The following SIPA1L1 variants were observed in gnomAD, a reference collection of about 807,000 sequenced individuals.
SIPA1L1 encodes signal induced proliferation associated 1 like 1.
Under a neutral mutation model 162.7 loss-of-function variants are expected in SIPA1L1, and 26 were observed. The ratio of observed to expected loss-of-function variants is 0.16; its 90% CI spans 0.12 to 0.22. The LOEUF (loss-of-function observed/expected upper bound fraction) is 0.22. Ranked by LOEUF, SIPA1L1 falls within the 10% of genes least tolerant of loss-of-function variation. SIPA1L1 has a pLI of 1.00. For missense variants in SIPA1L1, 1,874 were observed against 2,241.0 expected (o/e 0.84, Z 3.31); for synonymous variants, 829 against 837.4 (o/e 0.99, Z 0.17).
At chr14:71,427,924 G>C (rs915470313) in intron 2 of SIPA1L1, among the ~76,000 whole-genome samples, 2 of 151,698 alleles carry the variant, frequency 1.3e-5, no homozygotes, top group Admixed American at 1.3e-4. Flanking sequence ...TTTTTCCTTT[G>C]AATGGGCAGT....
At chr14:71,328,903 A>G (rs2034161907) in intron 2 of SIPA1L1, among the ~76,000 whole-genome samples, 2 of 152,196 alleles carry the variant, frequency 1.3e-5, no homozygotes, top group South Asian at 4.1e-4. Flanking sequence ...TGCGAATCTG[A>G]AACTCTGTAA....
At chr14:71,326,150 C>CT (rs778932471) in intron 2 of SIPA1L1, among the ~76,000 whole-genome samples, 9 of 151,480 alleles carry the variant, frequency 5.9e-5, no homozygotes, top group Non-Finnish European at 1.2e-4. Flanking sequence ...TCCACAAAGC[C>CT]TTTTACCAAA....
chr14:71,479,335 A>AT (rs1188769033), intron 2 of SIPA1L1, among the ~76,000 whole-genome samples: 59 of 138,492 alleles, frequency 4.3e-4, no homozygotes, highest in East Asian at 1.1e-3. Context: ...GTGTGTATGT[A>AT]GGTATGTATG....
At chr14:71,401,817 C>T (rs1257831448) in intron 2 of SIPA1L1, among the ~76,000 whole-genome samples, 1 of 151,974 alleles carries the variant, frequency 6.6e-6, no homozygotes, top group African/African-American at 2.4e-5. Context: ...TCTTATCACT[C>T]ATAAATATAA....
intron 2 of SIPA1L1, among the ~76,000 whole-genome samples, chr14:71,468,539 C>G (rs1286888481): frequency 6.6e-6 from 1 of 152,118 alleles, no homozygotes; most frequent in African/African-American, 2.4e-5. Flanking sequence ...AGCCTACTCA[C>G]TCCAAGGGGA....
At chr14:71,596,930 G>T (rs1241612539) in intron 5 of SIPA1L1, among the ~76,000 whole-genome samples, 2 of 152,034 alleles carry the variant, frequency 1.3e-5, no homozygotes, top group Admixed American at 1.3e-4. Flanking sequence ...TCCTTTCAGT[G>T]AATTTTATTT....
At chr14:71,345,638 A>T (rs1459145261) in intron 2 of SIPA1L1, among the ~76,000 whole-genome samples, 5 of 144,710 alleles carry the variant, frequency 3.5e-5, no homozygotes, top group Non-Finnish European at 6.0e-5. Flanking sequence ...CAGTGGCGCG[A>T]TCTTGGCTCA....
At chr14:71,441,975 T>C (rs1443798481) in intron 2 of SIPA1L1, among the ~76,000 whole-genome samples, 1 of 151,680 alleles carries the variant, frequency 6.6e-6, no homozygotes, top group African/African-American at 2.4e-5. Flanking sequence ...AGTTCGAGAC[T>C]AGCCTGGTCA....
intron 4 of SIPA1L1, among the ~76,000 whole-genome samples, chr14:71,558,581 G>A (rs1311242381): frequency 6.6e-6 from 1 of 152,174 alleles, no homozygotes; most frequent in Non-Finnish European, 1.5e-5. Context: ...TGAAAGCCGT[G>A]GTTGCTGTTG....
At chr14:71,445,910 C>G (rs562960582) in intron 2 of SIPA1L1, among the ~76,000 whole-genome samples, 4 of 152,104 alleles carry the variant, frequency 2.6e-5, no homozygotes, top group South Asian at 2.1e-4. Context: ...GTGCAGTGGC[C>G]CAGTCATAGC....
intron 8 of SIPA1L1, among the ~76,000 whole-genome samples, chr14:71,652,647 C>CT (rs560430162): frequency 1.4e-3 from 208 of 150,490 alleles, no homozygotes; most frequent in Non-Finnish European, 2.4e-3. Flanking sequence ...TCCCCCTAAC[C>CT]TTTTTTTTTC....
chr14:71,648,268 C>T, intron 7 of SIPA1L1, among the ~76,000 whole-genome samples: 1 of 152,096 alleles, frequency 6.6e-6, no homozygotes, highest in Non-Finnish European at 1.5e-5. Context: ...CCCGCCTGGT[C>T]AACAAGAGCG....
chr14:71,587,440 A>G (rs1207056656), intron 4 of SIPA1L1, 131 bp from the exon 5 acceptor site: 1 of 395,838 alleles, frequency 2.5e-6, no homozygotes, highest in Non-Finnish European at 4.4e-6. Flanking sequence ...TTTACTAAAA[A>G]TACGGATTGT....
intron 5 of SIPA1L1, among the ~76,000 whole-genome samples, chr14:71,603,737 A>C (rs900201864): frequency 4.6e-5 from 7 of 151,726 alleles, no homozygotes; most frequent in African/African-American, 1.7e-4. Flanking sequence ...CCTGGCCAAG[A>C]TGGTGAGACC....
At chr14:71,425,815 T>C (rs1182246808) in intron 2 of SIPA1L1, among the ~76,000 whole-genome samples, 1 of 151,106 alleles carries the variant, frequency 6.6e-6, no homozygotes, top group East Asian at 1.9e-4. Flanking sequence ...CCAACTATTA[T>C]TGTAGAATGG....
intron 2 of SIPA1L1, among the ~76,000 whole-genome samples, chr14:71,325,476 T>G (rs2033684418): frequency 6.6e-6 from 1 of 152,220 alleles, no homozygotes; most frequent in Admixed American, 6.5e-5. Flanking sequence ...CACAGTGATT[T>G]GGTTTGTGAT....
chr14:71,679,916 C>T (rs755475600), intron 12 of SIPA1L1, among the ~76,000 whole-genome samples: 2 of 152,190 alleles, frequency 1.3e-5, no homozygotes, highest in Non-Finnish European at 2.9e-5. Context: ...AATACAGGAG[C>T]ACCCAGATTC....
At chr14:71,623,698 C>CTGCACTATGCATACTAA (rs2039680397) in intron 6 of SIPA1L1, among the ~76,000 whole-genome samples, 1 of 152,154 alleles carries the variant, frequency 6.6e-6, no homozygotes, top group Non-Finnish European at 1.5e-5. Flanking sequence ...GTTCTGCCTT[C>CTGCACTATGCATACTAA]TTAATTTCCT....
In SIPA1L1 at chr14:71,377,240, G is replaced by GC. The variant is rs930973806; in HGVS notation, c.-465+56066dup. 4.7e-5 allele frequency among the ~76,000 whole-genome samples: 7 copies of GC among 148,966 alleles called. No individual in the cohort carries two copies. Among genetic ancestry groups the GC allele is most frequent in the East Asian group, 2.0e-4 (1 of 4,940 alleles). ...GATGGGGTGGCGGCTGGGCGGGGGT[G>GC]CCCCCCCACCTCCCAGACGGGGCGG... is the stretch of plus-strand genomic sequence containing the variant. On this transcript the variant is annotated intron_variant, in intron 2 of 23. Transcript: ENST00000381232. The surrounding 1 kb of genome is among the most constrained non-coding windows in gnomAD (Gnocchi z 4.8).
Sources: gnomAD v4.1 joint callset for allele counts (sites outside exome capture counted in the v4.1 genomes callset) on GRCh38, gnomAD v4.1.1 for gene constraint, Gnocchi (gnomAD v3.1) non-coding constraint, MANE v1.5 for transcripts, NCBI Gene and HGNC (gene_info 2026-07-23, HGNC 2026-07-21) for gene names.